The following TENM3 variants were observed in gnomAD, a reference collection of about 807,000 sequenced individuals.
TENM3 encodes teneurin transmembrane protein 3.
TENM3 carries 63 observed loss-of-function variants against 255.1 expected under a neutral mutation model. The ratio of observed to expected loss-of-function variants is 0.25; its 90% confidence interval spans 0.20 to 0.30. TENM3 has a LOEUF of 0.30. Ranked by LOEUF, TENM3 falls within the 10% of genes least tolerant of loss-of-function variation. TENM3 has a pLI of 1.00. For synonymous variants in TENM3, 1,306 were observed against 1,322.3 expected (o/e 0.99, Z 0.27); for missense variants, 2,929 against 3,461.1 (o/e 0.85, Z 3.86).
intron 1 of TENM3, among the ~76,000 whole-genome samples, chr4:182,322,316 A>G (rs1315822577): frequency 2.0e-5 from 3 of 152,236 alleles, no homozygotes; most frequent in Admixed American, 6.5e-5. Flanking sequence ...TGGTAGCCAT[A>G]TCGGTATTTG....
At chr4:181,486,396 G>T in the TENM3 span, among the ~76,000 whole-genome samples, 1 of 152,182 alleles carries the variant, frequency 6.6e-6, no homozygotes, top group Non-Finnish European at 1.5e-5. Flanking sequence ...AAGTACCATA[G>T]CATGTTGATG....
intron 3 of TENM3, among the ~76,000 whole-genome samples, chr4:182,498,072 C>T (rs191612179): frequency 2.0e-5 from 3 of 152,028 alleles, no homozygotes; most frequent in Admixed American, 2.0e-4. Flanking sequence ...TTTTCCTATT[C>T]AAAATTAAGT....
At chr4:182,384,653 T>C (rs1767789289) in intron 3 of TENM3, among the ~76,000 whole-genome samples, 1 of 152,124 alleles carries the variant, frequency 6.6e-6, no homozygotes, top group Admixed American at 6.5e-5. Flanking sequence ...TATTCACTGT[T>C]CTCCAGAAAT....
At chr4:182,063,916 A>T in the TENM3 span, among the ~76,000 whole-genome samples, 1 of 152,214 alleles carries the variant, frequency 6.6e-6, no homozygotes, top group Non-Finnish European at 1.5e-5. Flanking sequence ...AAAGTGAAGG[A>T]AGGCATTCAT....
the TENM3 span, among the ~76,000 whole-genome samples, chr4:181,951,348 C>A: frequency 7.2e-5 from 11 of 152,140 alleles, no homozygotes; most frequent in African/African-American, 2.7e-4. Context: ...GAGAAAAGAA[C>A]CAATGTCTTC....
chr4:181,776,837 T>C, the TENM3 span, among the ~76,000 whole-genome samples: 1 of 152,146 alleles, frequency 6.6e-6, no homozygotes, highest in Non-Finnish European at 1.5e-5. Context: ...TAATCCCTTT[T>C]TGGATGAATA....
chr4:182,161,802 T>TACACATATATATGTGTATATATATAC lies in TENM3; in HGVS notation c.-76+17062_-76+17063insGTATATATATACACACATATATATGT, dbSNP rs1751294609. On this transcript the variant is annotated intron_variant, in intron 1 of 2. Coordinates refer to the TENM3 transcript ENST00000512480. ...ATATACACAAATATATGTATATATA[T>TACACATATATATGTGTATATATATAC]ACACATATATATGTATATATATACA... Among the ~76,000 whole-genome samples the TACACATATATATGTGTATATATATAC allele has an allele frequency of 4.3e-5, 2 of 46,004 alleles. 1 individual carries two copies. Among genetic ancestry groups the TACACATATATATGTGTATATATATAC allele is most frequent in the Non-Finnish European group, 7.8e-5 (2 of 25,786 alleles). The allele number at this position is 46,004 out of a possible 152,430, so 30.2% of individuals were successfully genotyped here.
At chr4:182,180,271 A>G (rs566640691) in intron 1 of TENM3, among the ~76,000 whole-genome samples, 1 of 152,296 alleles carries the variant, frequency 6.6e-6, no homozygotes, top group African/African-American at 2.4e-5. Context: ...TGAACTGGAA[A>G]ATGTTGATGT....
At chr4:182,528,159 C>T (rs566795856) in intron 3 of TENM3, among the ~76,000 whole-genome samples, 2 of 152,250 alleles carry the variant, frequency 1.3e-5, no homozygotes, top group African/African-American at 4.8e-5. Flanking sequence ...ACTCTGTCGC[C>T]AAGGCTGGAG....
At chr4:181,968,874 A>G in the TENM3 span, among the ~76,000 whole-genome samples, 2 of 152,126 alleles carry the variant, frequency 1.3e-5, no homozygotes, top group East Asian at 3.9e-4. Context: ...ACATACACAC[A>G]TATATAAATA....
At chr4:181,690,972 C>T in the TENM3 span, among the ~76,000 whole-genome samples, 2 of 152,178 alleles carry the variant, frequency 1.3e-5, no homozygotes, top group Admixed American at 6.5e-5. Flanking sequence ...TGACGGCTCT[C>T]TCCTTTTGCT....
chr4:181,985,725 G>T, the TENM3 span, among the ~76,000 whole-genome samples: 1 of 152,028 alleles, frequency 6.6e-6, no homozygotes, highest in Non-Finnish European at 1.5e-5. Flanking sequence ...CAAAATGTGG[G>T]GTTTTTTCCC....
intron 3 of TENM3, among the ~76,000 whole-genome samples, chr4:182,530,655 C>T (rs563351322): frequency 2.0e-5 from 3 of 152,166 alleles, no homozygotes; most frequent in South Asian, 2.1e-4. Flanking sequence ...TGTCTCCAGA[C>T]GTTTTCTAAT....
intron 19 of TENM3, among the ~76,000 whole-genome samples, chr4:182,748,865 T>C (rs76915596): frequency 0.059 from 9,041 of 152,258 alleles, 411 homozygotes; most frequent in Admixed American, 0.13. Flanking sequence ...AGCTTTCATT[T>C]ATCAGACATT....
intron 3 of TENM3, among the ~76,000 whole-genome samples, chr4:182,383,204 G>C (rs1191645018): frequency 2.0e-5 from 3 of 152,084 alleles, no homozygotes; most frequent in African/African-American, 7.2e-5. Flanking sequence ...TCACTTAACA[G>C]GATTCTTGCT....
At chr4:182,408,761 C>T (rs1769763194) in intron 3 of TENM3, among the ~76,000 whole-genome samples, 3 of 152,128 alleles carry the variant, frequency 2.0e-5, no homozygotes, top group South Asian at 2.1e-4. Context: ...TTCATCCATT[C>T]GTTCAAGAAG....
chr4:181,518,929 G>A, the TENM3 span, among the ~76,000 whole-genome samples: 1 of 152,152 alleles, frequency 6.6e-6, no homozygotes, highest in Non-Finnish European at 1.5e-5. Context: ...GTACAATATG[G>A]ACAGTGAGCT....
chr4:182,563,049 C>T (rs1467007017), intron 3 of TENM3, among the ~76,000 whole-genome samples: 1 of 152,054 alleles, frequency 6.6e-6, no homozygotes, highest in Admixed American at 6.6e-5. Flanking sequence ...GGAGAAGATA[C>T]AGTGGTGGTG....
chr4:182,394,162 G>C (rs1561401607), intron 3 of TENM3, among the ~76,000 whole-genome samples: 1 of 152,204 alleles, frequency 6.6e-6, no homozygotes, highest in East Asian at 1.9e-4. Context: ...GGCTGTGCTT[G>C]GTCTCTAACT....
Sources: allele counts gnomAD v4.1 joint callset (sites outside exome capture counted in the v4.1 genomes callset), GRCh38; gene constraint gnomAD v4.1.1; transcripts MANE v1.5; gene names NCBI Gene and HGNC (gene_info 2026-07-23, HGNC 2026-07-21).